Variants in LSAMP observed in about 807,000 individuals in gnomAD.
LSAMP encodes the protein limbic system-associated membrane protein.
A neutral mutation model predicts 38.6 loss-of-function variants in LSAMP; 7 were observed. That is an observed-to-expected ratio of 0.18 (90% CI 0.10 to 0.34). LSAMP has a LOEUF of 0.34. LSAMP is among the 10% of genes least tolerant of loss of function. LSAMP has a pLI of 1.00. For synonymous variants in LSAMP, 154 were observed against 166.8 expected (o/e 0.92, Z 0.59); for missense variants, 313 against 420.0 (o/e 0.75, Z 2.23).
intron 6 of LSAMP, among the ~76,000 whole-genome samples, chr3:115,828,374 A>C (rs1226143669): frequency 6.6e-6 from 1 of 152,008 alleles, no homozygotes; most frequent in Non-Finnish European, 1.5e-5. Context: ...TCCTCTATGT[A>C]CTACCACTTT....
At chr3:116,287,022 C>T (rs2047203964) in intron 1 of LSAMP, among the ~76,000 whole-genome samples, 1 of 152,048 alleles carries the variant, frequency 6.6e-6, no homozygotes, top group African/African-American at 2.4e-5. Context: ...CCTCTCCAGT[C>T]TCTCATTGCT....
chr3:116,284,217 T>G, intron 1 of LSAMP, among the ~76,000 whole-genome samples: 1 of 152,186 alleles, frequency 6.6e-6, no homozygotes, highest in East Asian at 1.9e-4. Context: ...TATTGTTTCA[T>G]GCCTGAAGTT....
intron 1 of LSAMP, among the ~76,000 whole-genome samples, chr3:116,244,344 C>T (rs994596793): frequency 6.6e-6 from 1 of 152,148 alleles, no homozygotes; most frequent in African/African-American, 2.4e-5. Context: ...AATTTATGTC[C>T]TTTGACCTAA....
chr3:116,371,399 T>G (rs1028034356), intron 1 of LSAMP, among the ~76,000 whole-genome samples: 16 of 152,024 alleles, frequency 1.1e-4, no homozygotes, highest in Non-Finnish European at 8.8e-5. Context: ...AAACAAAAAT[T>G]GATCAATGTA....
At chr3:116,138,004 G>A (rs1476687707) in intron 1 of LSAMP, among the ~76,000 whole-genome samples, 5 of 152,120 alleles carry the variant, frequency 3.3e-5, no homozygotes, top group African/African-American at 1.2e-4. Flanking sequence ...ACAAGAATAG[G>A]ACTTATTTAG....
intron 2 of LSAMP, among the ~76,000 whole-genome samples, chr3:116,032,424 C>T (rs1940947118): frequency 6.6e-6 from 1 of 151,978 alleles, no homozygotes; most frequent in South Asian, 2.1e-4. Context: ...ACTGAAATCA[C>T]AAAGCTAGAG....
In LSAMP at chr3:116,169,166, T is replaced by C. The variant is rs188847871; in HGVS notation, c.156-82610A>G. Among the ~76,000 whole-genome samples, 5 of 152,266 alleles carry C rather than the reference T, an allele frequency of 3.3e-5. No homozygotes were observed. In the East Asian group the frequency reaches 5.8e-4, roughly 18 times the overall value. On this transcript the variant is annotated intron_variant, in intron 1 of 6. Coordinates refer to ENST00000490035, the MANE Select transcript of LSAMP (RefSeq NM_002338.5). ...TTACAGGGAGCTATGATCACGCCAC[T>C]CCATTCCAGCCTGAGTGACAGATTG...
intron 1 of LSAMP, among the ~76,000 whole-genome samples, chr3:116,088,060 A>G (rs1398083157): frequency 1.3e-5 from 2 of 151,950 alleles, no homozygotes; most frequent in East Asian, 3.9e-4. Flanking sequence ...GGACTAGCTA[A>G]TTTAAAAAAA....
At chr3:115,965,884 T>C (rs60778976) in intron 3 of LSAMP, among the ~76,000 whole-genome samples, 37,176 of 152,068 alleles carry the variant, frequency 0.24, 5,198 homozygotes, top group African/African-American at 0.4. Context: ...TGTAGAGAAA[T>C]ACAAATTATC....
chr3:116,091,350 T>C (rs938370015), intron 1 of LSAMP, among the ~76,000 whole-genome samples: 3 of 152,214 alleles, frequency 2.0e-5, no homozygotes, highest in African/African-American at 7.2e-5. Context: ...GTACAATTTG[T>C]GCAGTTAATG....
chr3:115,811,439 T>A (rs1003565640), intron 6 of LSAMP, among the ~76,000 whole-genome samples: 1 of 151,936 alleles, frequency 6.6e-6, no homozygotes, highest in Admixed American at 6.5e-5. Context: ...TATTTTTCAC[T>A]ACAGGGACTT....
chr3:116,088,773 G>GA (rs777787460), intron 1 of LSAMP, among the ~76,000 whole-genome samples: 19 of 152,012 alleles, frequency 1.2e-4, no homozygotes, highest in Non-Finnish European at 2.5e-4. Context: ...CACTTTAAAA[G>GA]AAAAAATACC....
At chr3:116,200,093 TACACAC>T (rs36216707) in intron 1 of LSAMP, among the ~76,000 whole-genome samples, 32,362 of 149,188 alleles carry the variant, frequency 0.22, 3,516 homozygotes, top group South Asian at 0.28. Flanking sequence ...AGTCTTACTT[TACACAC>T]ACACACACAC....
intron 2 of LSAMP, among the ~76,000 whole-genome samples, chr3:116,045,107 G>T (rs1920382): frequency 0.45 from 69,033 of 151,974 alleles, 16,966 homozygotes; most frequent in African/African-American, 0.66. Flanking sequence ...ATAAGCAGTA[G>T]GGTATTGAAG....
intron 3 of LSAMP, among the ~76,000 whole-genome samples, chr3:115,972,701 G>A (rs7642875): frequency 0.26 from 39,908 of 150,716 alleles, 6,386 homozygotes; most frequent in African/African-American, 0.46. Flanking sequence ...TTAGATTACT[G>A]TGGAAAGCTA....
chr3:116,288,497 G>T (rs2047220808), intron 1 of LSAMP, among the ~76,000 whole-genome samples: 1 of 152,136 alleles, frequency 6.6e-6, no homozygotes, highest in South Asian at 2.1e-4. Flanking sequence ...ATTCTTCACT[G>T]GGGACCCATA....
intron 1 of LSAMP, among the ~76,000 whole-genome samples, chr3:116,378,677 A>G (rs2048520945): frequency 6.6e-6 from 1 of 152,090 alleles, no homozygotes; most frequent in African/African-American, 2.4e-5. Flanking sequence ...TAAGACATAC[A>G]GTGGTGAAGA....
At chr3:116,416,141 C>T (rs910345798) in intron 1 of LSAMP, among the ~76,000 whole-genome samples, 4 of 152,116 alleles carry the variant, frequency 2.6e-5, no homozygotes, top group African/African-American at 9.7e-5. Flanking sequence ...GGTTCCGGGC[C>T]ATTTGCCTTC....
intron 6 of LSAMP, among the ~76,000 whole-genome samples, chr3:115,824,886 T>C (rs1008353727): frequency 6.6e-6 from 1 of 152,146 alleles, no homozygotes; most frequent in African/African-American, 2.4e-5. Context: ...GTAAGAAAGA[T>C]TAAAAATGCA....
Sources: gnomAD v4.1 joint callset for allele counts (sites outside exome capture counted in the v4.1 genomes callset) on GRCh38, gnomAD v4.1.1 for gene constraint, MANE v1.5 for transcripts, NCBI Gene and HGNC (gene_info 2026-07-23, HGNC 2026-07-21) for gene names.